The following LRRC37A3 variants were observed in gnomAD, a reference collection of about 807,000 sequenced individuals.
The protein encoded by LRRC37A3 is leucine-rich repeat-containing protein 37A3.
Under a neutral mutation model 106.2 loss-of-function variants are expected in LRRC37A3, and 25 were observed. The ratio of observed to expected loss-of-function variants is 0.24; its 90% CI spans 0.17 to 0.33. The LOEUF (loss-of-function observed/expected upper bound fraction) is 0.33. Ranked by LOEUF, LRRC37A3 falls within the 10% of genes least tolerant of loss-of-function variation. LRRC37A3 has a pLI of 1.00. For missense variants in LRRC37A3, 712 were observed against 1,644.9 expected (o/e 0.43, Z 9.81); for synonymous variants, 305 against 635.8 (o/e 0.48, Z 7.83).
intron 2 of LRRC37A3, among the ~76,000 whole-genome samples, chr17:64,904,490 AATAG>A (rs1319727771): frequency 4.7e-5 from 7 of 148,576 alleles, no homozygotes; most frequent in Middle Eastern, 3.4e-3. Flanking sequence ...AATAATAATA[AATAG>A]ATAAACAAAT....
intron 10 of LRRC37A3, among the ~76,000 whole-genome samples, chr17:64,866,626 A>ATTTTT (rs1174212397): frequency 1.3e-4 from 3 of 22,514 alleles, no homozygotes; most frequent in Non-Finnish European, 2.1e-4. Context: ...ATATATATAT[A>ATTTTT]TATTTTTTTT....
chr17:64,910,642 T>C (rs1243646824), intron 2 of LRRC37A3, among the ~76,000 whole-genome samples: 2 of 137,358 alleles, frequency 1.5e-5, no homozygotes, highest in African/African-American at 2.8e-5. Flanking sequence ...CCCCCCTTTT[T>C]TTTTTTTTTT....
Position 64,867,605 on chromosome 17 carries a change from A to C in LRRC37A3, c.3053+857T>G, listed in dbSNP as rs1209593845. ...AATGGTATGTACATAATTATACTGT[A>C]TTTTAAATTTTCTACTGTTTTTATT... On this transcript the variant is annotated intron_variant, in intron 10 of 14. Transcript: ENST00000584306. Among the ~76,000 whole-genome samples, 5 of 151,120 alleles carry C rather than the reference A, an allele frequency of 3.3e-5. No homozygotes were observed. The Middle Eastern group carries it at 0.01, about 313-fold the overall frequency.
Position 64,859,517 on chromosome 17 carries a change from C to T in LRRC37A3, c.4629G>A (p.Thr1543=), listed in dbSNP as rs539018986. ...EVKASKIEWD[T]DQWKTENYIN... is the part of the protein sequence containing the mutation. ...TGTAGTTCTCAGTCTTCCATTGGTC[C>T]GTATCCCATTCTATCTTGGATGCCT... Residue 1543 remains threonine (T), a synonymous_variant, in exon 12 of 15, where the codon ACG becomes ACA. Transcript: ENST00000584306. 56 of 1,611,482 alleles carry T rather than the reference C, an allele frequency of 3.5e-5. No homozygotes were observed. The East Asian group carries it at 9.1e-4, about 26-fold the overall frequency.
rs1370784172 is a variant in LRRC37A3, at chr17:64,860,675, T to C, written c.3471A>G (p.Val1157=). 2.5e-6 allele frequency: 4 copies of C among 1,614,040 alleles called. No individual in the cohort carries two copies. The South Asian group carries it at 4.4e-5, about 18-fold the overall frequency. The part of the protein sequence containing the change: ...TGNSLAKIQT[V]GKNRQRLNRV... Reference sequence around the variant, plus strand: ...TATTCAGTCTCTGCCGGTTTTTGCCTACAGTTTGAATCTTTGCCAGGCTGT... The same window carrying C: ...TATTCAGTCTCTGCCGGTTTTTGCCCACAGTTTGAATCTTTGCCAGGCTGT... Residue 1157 remains valine (V), a synonymous_variant, in exon 12 of 15, where the codon GTA becomes GTG. Coordinates refer to ENST00000584306, the MANE Select transcript of LRRC37A3 (RefSeq NM_199340.5).
At chr17:64,862,783 A>G (rs1406227390) in intron 11 of LRRC37A3, 117 bp downstream of exon 11, 2 of 1,252,578 alleles carry the variant, frequency 1.6e-6, no homozygotes, top group African/African-American at 1.5e-5. Flanking sequence ...ACTCTGAATG[A>G]GTAAATAAAA....
chr17:64,868,895 A>G (rs1272552411), intron 9 of LRRC37A3, among the ~76,000 whole-genome samples, 200 bp downstream of exon 9: 1 of 152,178 alleles, frequency 6.6e-6, no homozygotes, highest in Non-Finnish European at 1.5e-5. Flanking sequence ...GGGTTCTTCA[A>G]TGCTGTTCTC....
chr17:64,874,296 G>A (rs1329733627), intron 8 of LRRC37A3, among the ~76,000 whole-genome samples: 8 of 152,092 alleles, frequency 5.3e-5, no homozygotes, highest in Non-Finnish European at 1.0e-4. Context: ...CTGCCCGGCC[G>A]CGACCCCGTC....
At chr17:64,913,373 C>T (rs1168019772) in intron 2 of LRRC37A3, among the ~76,000 whole-genome samples, 2 of 138,982 alleles carry the variant, frequency 1.4e-5, no homozygotes, top group Non-Finnish European at 3.0e-5. Context: ...TGGAGTCTTG[C>T]TCTGCTTCCC....
intron 13 of LRRC37A3, among the ~76,000 whole-genome samples, chr17:64,858,090 G>A (rs921697170): frequency 6.6e-6 from 1 of 152,182 alleles, no homozygotes; most frequent in Non-Finnish European, 1.5e-5. Context: ...CTTTAGGTAA[G>A]TTGATGCAAG....
chr17:64,866,614 ATATATATATATATATTTTTTTTTT>A (rs1973100739), intron 10 of LRRC37A3, among the ~76,000 whole-genome samples: 1 of 23,116 alleles, frequency 4.3e-5, no homozygotes, highest in African/African-American at 2.1e-4. Flanking sequence ...ATATATATAT[ATATATATATATATATTTTTTTTTT>A]TTTTTTTTTT....
intron 13 of LRRC37A3, among the ~76,000 whole-genome samples, chr17:64,857,015 G>A (rs891501699): frequency 1.1e-4 from 16 of 151,594 alleles, no homozygotes; most frequent in African/African-American, 3.6e-4. Context: ...AAAGGAAAAA[G>A]GAAAAGGGAA....
chr17:64,858,566 T>C (rs1972758848), intron 13 of LRRC37A3, among the ~76,000 whole-genome samples: 1 of 152,228 alleles, frequency 6.6e-6, no homozygotes, highest in Admixed American at 6.5e-5. Flanking sequence ...TTAACTTGGT[T>C]TCAATTCACA....
chr17:64,890,267 C>T (rs1277296134), intron 5 of LRRC37A3, among the ~76,000 whole-genome samples: 2 of 137,972 alleles, frequency 1.4e-5, no homozygotes, highest in Admixed American at 1.4e-4. Context: ...GACAGGGTCT[C>T]ACTCTGTTCC....
chr17:64,871,534 T>C (rs1177711470), intron 8 of LRRC37A3: 1 of 152,066 alleles, frequency 6.6e-6, no homozygotes, highest in African/African-American at 2.4e-5. Context: ...TGGAGAGCAG[T>C]GGCTATTCAC....
chr17:64,875,000 T>C (rs1022020247), intron 8 of LRRC37A3, among the ~76,000 whole-genome samples: 2 of 151,782 alleles, frequency 1.3e-5, no homozygotes, highest in African/African-American at 4.8e-5. Context: ...CCAGAGACCT[T>C]TGTTCACTTG....
chr17:64,860,615 C>A lies in LRRC37A3; in HGVS notation c.3531G>T (p.Arg1177Ser). 1 of 1,613,934 alleles carries A rather than the reference C, an allele frequency of 6.2e-7. No individual in the cohort carries two copies. The highest frequency in any genetic ancestry group is 8.5e-7 in the Non-Finnish European group (1 of 1,179,868). Residue 1177 changes from arginine to serine, a missense_variant, in exon 12 of 15, where the codon AGG becomes AGT. By Grantham distance (110) the Arg-to-Ser change is moderately radical. Transcript: ENST00000584306. ...VLMGPRSIQK[R>S]HFKEVGRQSI... ...TCTGCCTTCCTACCTCTTTGAAGTG[C>A]CTTTTCTGGATGCTCCTTGGGCCCA...
At position 64,862,937 on chromosome 17, in the gene LRRC37A3, A is replaced by G. The variant is rs1972925319; in HGVS notation, c.3135T>C (p.His1045=). 6.3e-7 allele frequency: 1 copy of G among 1,599,170 alleles called. No homozygotes were observed. Among genetic ancestry groups the G allele is most frequent in the Non-Finnish European group, 8.5e-7 (1 of 1,179,794 alleles). Residue 1045 remains histidine (H), a synonymous_variant, in exon 11 of 15, where the codon CAT becomes CAC. Transcript: ENST00000584306. ...IEAVCKTVKL[H]CNSACLTNTT... is the part of the protein sequence containing the mutation. ...TGTTTGTCAGACATGCACTGTTGCA[A>G]TGCAGCTTGACTGTCTTGCAGACAG...
At chr17:64,861,486 C>T (rs1972869375) in intron 11 of LRRC37A3, among the ~76,000 whole-genome samples, 1 of 152,212 alleles carries the variant, frequency 6.6e-6, no homozygotes, top group African/African-American at 2.4e-5. Context: ...AGGCCCCCTC[C>T]CATTGCTGAC....
Sources: allele counts gnomAD v4.1 joint callset (sites outside exome capture counted in the v4.1 genomes callset), GRCh38; gene constraint gnomAD v4.1.1; transcripts MANE v1.5; gene names NCBI Gene and HGNC (gene_info 2026-07-23, HGNC 2026-07-21).